CCDC198: variants seen among roughly 807,000 people sequenced by gnomAD.
The protein encoded by CCDC198 is factor associated with metabolism and energy.
Under a neutral mutation model 35.6 loss-of-function variants are expected in CCDC198, and 18 were observed. That is an observed-to-expected ratio of 0.51 (90% confidence interval 0.35 to 0.75). CCDC198 has a LOEUF of 0.75. Ranked by LOEUF, CCDC198 falls within the 30% of genes least tolerant of loss-of-function variation. The pLI is 0.01. For missense variants in CCDC198, 365 were observed against 343.7 expected, an observed-to-expected ratio of 1.06 and a Z score of -0.49; for synonymous variants, 119 against 113.4, an observed-to-expected ratio of 1.05 and a Z score of -0.31.
At chr14:57,473,999 C>T (rs746870452) in intron 5 of CCDC198, among the ~76,000 whole-genome samples, 22 of 152,186 alleles carry the variant, frequency 1.4e-4, no homozygotes, top group Admixed American at 7.2e-4. Flanking sequence ...CCCTCCTCCC[C>T]ACTTCATCCA....
intron 2 of CCDC198, among the ~76,000 whole-genome samples, chr14:57,486,501 C>A (rs1152518): frequency 0.75 from 114,228 of 151,720 alleles, 43,482 homozygotes; most frequent in East Asian, 0.97. Context: ...TTCTTGGCCC[C>A]TTCACTAGAG....
chr14:57,471,245 T>A lies in CCDC198; in HGVS notation c.*110A>T. On this transcript the variant is annotated 3_prime_UTR_variant, in exon 6 of 6. Coordinates refer to ENST00000216445, the MANE Select transcript of CCDC198 (RefSeq NM_018168.4). ...AAGACTCTAAAGATATCATTTCTTT[T>A]TACCAAAGTGATTTGCTGTCCTCAA... The A allele has an allele frequency of 1.3e-6, 1 of 754,072 alleles. No homozygotes were observed. 46.7% of individuals were successfully genotyped at this position (754,072 alleles called of 1,614,324 possible). A position where few individuals can be genotyped will look rare whatever the true frequency, so the allele number is the denominator to read the frequency against.
intron 2 of CCDC198, among the ~76,000 whole-genome samples, chr14:57,489,994 A>G (rs899969196): frequency 1.3e-5 from 2 of 152,032 alleles, no homozygotes; most frequent in Non-Finnish European, 2.9e-5. Flanking sequence ...ATAGTTTCTA[A>G]TATTTTGGGA....
chr14:57,483,102 A>C lies in CCDC198; in HGVS notation c.356T>G (p.Leu119Arg). ...CATTGTCCTGGCTTCTCGCTGGCTCAGGAGTCTTCCTGAAGTAATTACTCG... is the reference window on the plus strand; with the variant it reads ...CATTGTCCTGGCTTCTCGCTGGCTCCGGAGTCTTCCTGAAGTAATTACTCG... ...LPRVITSGRL[L>R]SQREARTMHK... The change falls in exon 3 of 6, where the codon CTG becomes CGG. Residue 119 changes from leucine to arginine, a missense_variant. Coordinates refer to ENST00000216445, the MANE Select transcript of CCDC198 (RefSeq NM_018168.4). 1.2e-6 allele frequency: 2 copies of C among 1,614,074 alleles called. No homozygotes were observed. The highest frequency in any genetic ancestry group is 1.7e-6 in the Non-Finnish European group (2 of 1,179,976).
chr14:57,483,368 G>T, intron 2 of CCDC198: 1 of 575,436 alleles, frequency 1.7e-6, no homozygotes, highest in East Asian at 3.3e-5. Flanking sequence ...TGTCGACAGT[G>T]CCTTATTGAT....
intron 2 of CCDC198, among the ~76,000 whole-genome samples, chr14:57,483,947 C>A (rs917876903): frequency 3.3e-5 from 5 of 152,084 alleles, no homozygotes; most frequent in Non-Finnish European, 7.4e-5. Context: ...TGGATGTGGC[C>A]CCTCATGGAG....
At chr14:57,491,197 T>C (rs1298046406) in intron 1 of CCDC198, 126 bp from the exon 2 acceptor site, 7 of 892,532 alleles carry the variant, frequency 7.8e-6, no homozygotes, top group Non-Finnish European at 1.7e-6. Context: ...ATGTCTAACC[T>C]GTGGGTTGAA....
intron 2 of CCDC198, among the ~76,000 whole-genome samples, chr14:57,487,464 A>G (rs1173876195): frequency 6.6e-6 from 1 of 152,132 alleles, no homozygotes; most frequent in African/African-American, 2.4e-5. Flanking sequence ...ATCTGAGGAC[A>G]CACTATATGT....
intron 5 of CCDC198, chr14:57,479,166 G>A (rs2067102954): frequency 1.8e-6 from 1 of 550,700 alleles, no homozygotes; most frequent in Non-Finnish European, 3.0e-6. Flanking sequence ...TGAAATGTGG[G>A]GGCTGGGTGC....
At position 57,471,281 on chromosome 14, in the gene CCDC198, A is replaced by G. The variant is rs2066809716; in HGVS notation, c.*74T>C. 1.9e-6 allele frequency: 2 copies of G among 1,063,178 alleles called. No homozygotes were observed. The highest frequency in any genetic ancestry group is 1.4e-6 in the Non-Finnish European group (1 of 714,508). The allele number at this position is 1,063,178 out of a possible 1,614,324, so 65.9% of individuals were successfully genotyped here. Reference sequence around the variant, plus strand: ...ATTTGCTGTCCTCAAAGTAATTCATATATCAGTTTGGAAGATTTTGAGAGT... The same window carrying G: ...ATTTGCTGTCCTCAAAGTAATTCATGTATCAGTTTGGAAGATTTTGAGAGT... On this transcript the variant is annotated 3_prime_UTR_variant, in exon 6 of 6. Coordinates refer to ENST00000216445, the MANE Select transcript of CCDC198 (RefSeq NM_018168.4).
At chr14:57,475,738 CCTT>C (rs1259835634) in intron 5 of CCDC198, 3 of 417,174 alleles carry the variant, frequency 7.2e-6, no homozygotes, top group Non-Finnish European at 1.4e-5. Context: ...TCAATTCTAT[CCTT>C]CTTCAGTTTT....
At chr14:57,476,372 T>C (rs1342697500) in intron 5 of CCDC198, among the ~76,000 whole-genome samples, 1 of 152,154 alleles carries the variant, frequency 6.6e-6, no homozygotes, top group Admixed American at 6.5e-5. Flanking sequence ...GGAGCTTCCA[T>C]TTAGTAGATG....
At position 57,481,730 on chromosome 14, in the gene CCDC198, C is replaced by G. The variant is rs2139509752; in HGVS notation, c.394-70G>C. Reference sequence around the variant, plus strand: ...GACTCTGCAATTCACAAGTTTAGATCCTTTTTGAAACAGAGTCAGATCTTA... The same window carrying G: ...GACTCTGCAATTCACAAGTTTAGATGCTTTTTGAAACAGAGTCAGATCTTA... On this transcript the variant is annotated intron_variant, in intron 3 of 5. Coordinates refer to ENST00000216445, the MANE Select transcript of CCDC198 (RefSeq NM_018168.4). 7 of 983,352 alleles carry G rather than the reference C, an allele frequency of 7.1e-6. No individual in the cohort carries two copies. In the South Asian group the frequency reaches 8.4e-5, roughly 12 times the overall value. The allele number at this position is 983,352 out of a possible 1,614,324, so 60.9% of individuals were successfully genotyped here.
chr14:57,479,680 A>T (rs2067118338), intron 5 of CCDC198, among the ~76,000 whole-genome samples: 1 of 152,200 alleles, frequency 6.6e-6, no homozygotes, highest in Admixed American at 6.5e-5. Context: ...AGAGTTAAGA[A>T]TCACTTAAAG....
In CCDC198 at chr14:57,483,837, G is replaced by A. The variant is rs900189177; in HGVS notation, c.307-686C>T. Reference sequence around the variant, plus strand: ...AAGTCTGGTCTCTTGACATTGACATGCAATGGGGAACGTGGAGGGCCACAG... The same window carrying A: ...AAGTCTGGTCTCTTGACATTGACATACAATGGGGAACGTGGAGGGCCACAG... On this transcript the variant is annotated intron_variant, in intron 2 of 5. Transcript: ENST00000216445. 3.3e-5 allele frequency among the ~76,000 whole-genome samples: 5 copies of A among 152,220 alleles called. 1 individual carries two copies. Among genetic ancestry groups the A allele is most frequent in the Admixed American group, 3.3e-4 (5 of 15,280 alleles).
chr14:57,479,003 GA>G (rs2067096430), intron 5 of CCDC198: 5 of 1,289,212 alleles, frequency 3.9e-6, no homozygotes, highest in Non-Finnish European at 5.1e-6. Context: ...AACAATATTG[GA>G]AATTTCAACT....
chr14:57,474,022 C>G (rs188677976), intron 5 of CCDC198, among the ~76,000 whole-genome samples: 4 of 152,310 alleles, frequency 2.6e-5, no homozygotes, highest in Admixed American at 2.6e-4. Flanking sequence ...TACTTCTTAT[C>G]TCAGTTTAAA....
At chr14:57,479,132 A>G (rs759098395) in intron 5 of CCDC198, 4 of 880,108 alleles carry the variant, frequency 4.5e-6, no homozygotes, top group Non-Finnish European at 6.4e-6. Flanking sequence ...GAGCGATCTG[A>G]GAGCATAAAC....
intron 5 of CCDC198, among the ~76,000 whole-genome samples, chr14:57,476,175 C>T (rs904308603): frequency 6.6e-6 from 1 of 152,118 alleles, no homozygotes; most frequent in Non-Finnish European, 1.5e-5. Flanking sequence ...ACATGGTATA[C>T]AATAACTTTA....
Sources: gnomAD v4.1 joint callset for allele counts (sites outside exome capture counted in the v4.1 genomes callset) on GRCh38, gnomAD v4.1.1 for gene constraint, MANE v1.5 for transcripts, NCBI Gene and HGNC (gene_info 2026-07-23, HGNC 2026-07-21) for gene names.